The following PRAG1 variants were observed in gnomAD, a reference collection of about 807,000 sequenced individuals.
The protein encoded by PRAG1 is inactive tyrosine-protein kinase PRAG1.
PRAG1 carries 110 observed loss-of-function variants against 95.6 expected under a neutral mutation model. That is an observed-to-expected ratio of 1.15 (90% CI 0.99 to 1.35). PRAG1 has a LOEUF of 1.35. Among genes scored for constraint, PRAG1 ranks in the 40% most tolerant of loss-of-function variants. The pLI, the probability that PRAG1 is intolerant of heterozygous loss-of-function variation, is 0.00. For synonymous variants in PRAG1, 1,052 were observed against 819.4 expected (o/e 1.28, Z -4.85); for missense variants, 2,554 against 1,864.7 (o/e 1.37, Z -6.81).
chr8:8,373,345 C>G (rs1364230814), intron 3 of PRAG1, among the ~76,000 whole-genome samples: 1 of 152,060 alleles, frequency 6.6e-6, no homozygotes, highest in Non-Finnish European at 1.5e-5. Context: ...GTCAGTAATG[C>G]TTGAGAAATG....
At chr8:8,374,798 C>T (rs1173970117) in intron 3 of PRAG1, 1 of 588,346 alleles carries the variant, frequency 1.7e-6, no homozygotes. Context: ...AAAAAACCCA[C>T]GTTAGATCAC....
At chr8:8,371,131 CAAAA>C (rs549978543) in intron 3 of PRAG1, among the ~76,000 whole-genome samples, 23,849 of 81,250 alleles carry the variant, frequency 0.29, 2,011 homozygotes, top group Middle Eastern at 0.44. Flanking sequence ...GATTCTGTCT[CAAAA>C]AAAAAAAAAA....
At chr8:8,330,492 T>C (rs1472286767) in intron 4 of PRAG1, among the ~76,000 whole-genome samples, 1 of 152,234 alleles carries the variant, frequency 6.6e-6, no homozygotes, top group Non-Finnish European at 1.5e-5. Flanking sequence ...CCTTCCCATT[T>C]GCTAATGATA....
Position 8,333,344 on chromosome 8 carries a change from C to T in PRAG1, c.2321-4883G>A, listed in dbSNP as rs184941000. Among the ~76,000 whole-genome samples the T allele has an allele frequency of 3.5e-4, 54 of 152,284 alleles. 1 individual carries two copies. The Middle Eastern group carries it at 0.024, about 67-fold the overall frequency. ...AAGTTCCTGGCTATAGAGTACAACA[C>T]GCTCCATGCCTTTAGCGAACGTGCT... On this transcript the variant is annotated intron_variant, in intron 4 of 5. Transcript: ENST00000615670.
chr8:8,346,048 C>T (rs1207260376), intron 3 of PRAG1, among the ~76,000 whole-genome samples: 2 of 152,196 alleles, frequency 1.3e-5, no homozygotes, highest in African/African-American at 4.8e-5. Context: ...AAAAGGCTTA[C>T]TATTGCAATG....
chr8:8,339,106 G>A (rs1215998598), intron 4 of PRAG1, among the ~76,000 whole-genome samples: 2 of 152,136 alleles, frequency 1.3e-5, no homozygotes, highest in African/African-American at 4.8e-5. Flanking sequence ...AAAAGAGAGA[G>A]AGAGAGAGAG....
chr8:8,344,630 C>A (rs1799275276), intron 3 of PRAG1, among the ~76,000 whole-genome samples: 1 of 152,192 alleles, frequency 6.6e-6, no homozygotes, highest in South Asian at 2.1e-4. Context: ...GGAACACCTG[C>A]AGGTCAGTTA....
chr8:8,346,334 C>G (rs917470262), intron 3 of PRAG1, among the ~76,000 whole-genome samples: 3 of 152,244 alleles, frequency 2.0e-5, no homozygotes, highest in African/African-American at 4.8e-5. Context: ...TGTCTTCACT[C>G]ACGTAGTGTG....
intron 3 of PRAG1, among the ~76,000 whole-genome samples, chr8:8,345,238 A>T (rs1799297708): frequency 6.6e-6 from 1 of 151,650 alleles, no homozygotes; most frequent in South Asian, 2.1e-4. Flanking sequence ...GGTCGCTAAA[A>T]CCCAACAGGT....
rs1448637948 is a variant in PRAG1 at position 8,319,184 on chromosome 8, C to T, written c.3191G>A (p.Ser1064Asn). ...AGGGTCCTTGGGCGCGTCGGGGGAGCTGAGCATGCTGGACGGCACCGAGGC... is the reference window on the plus strand; with the variant it reads ...AGGGTCCTTGGGCGCGTCGGGGGAGTTGAGCATGCTGGACGGCACCGAGGC... Reference protein sequence around the residue: ...FVASVPSSMLSSPDAPKDPVP... With the variant: ...FVASVPSSMLNSPDAPKDPVP... The change falls in exon 6 of 6, where the codon AGC becomes AAC. Residue 1064 changes from serine to asparagine, a missense_variant. Coordinates refer to ENST00000615670, the MANE Select transcript of PRAG1 (RefSeq NM_001080826.3). 6.2e-7 allele frequency: 1 copy of T among 1,601,648 alleles called. No homozygotes were observed. Among genetic ancestry groups the T allele is most frequent in the South Asian group, 1.1e-5 (1 of 89,898 alleles).
intron 4 of PRAG1, among the ~76,000 whole-genome samples, chr8:8,336,148 T>A (rs1486441201): frequency 6.6e-6 from 1 of 152,206 alleles, no homozygotes; most frequent in Non-Finnish European, 1.5e-5. Flanking sequence ...CTGGTGCCAA[T>A]GGTTTCAGTT....
Position 8,376,476 on chromosome 8 carries a change from C to A in PRAG1, c.1933G>T (p.Val645Leu), listed in dbSNP as rs757106487. 15 of 1,613,712 alleles carry A rather than the reference C, an allele frequency of 9.3e-6. No homozygotes were observed. In the East Asian group the frequency reaches 3.3e-4, roughly 36 times the overall value. The change falls in exon 3 of 6, where the codon GTG (valine) becomes TTG (leucine). Residue 645 changes from valine (V) to leucine (L), a missense_variant. Val to Leu is a conservative substitution (Grantham distance 32). Coordinates refer to ENST00000615670, the MANE Select transcript of PRAG1 (RefSeq NM_001080826.3). ...RQCRIEEEEE[V>L]EQELLSHSWG... ...CTGTGACTCAGCAATTCCTGCTCCA[C>A]CTCCTCTTCTTCCTCTATCCGGCAC...
At position 8,381,416 on chromosome 8, in the gene PRAG1, A is replaced by G. The variant is rs535910746; in HGVS notation, c.330+2T>C. The G allele has an allele frequency of 2.1e-5, 33 of 1,602,174 alleles. No homozygotes were observed. The East Asian group carries it at 6.7e-4, about 33-fold the overall frequency. ...AATACCACGAGTGTTAGTCAGCCTC[A>G]CCTGCGAGACTTCGGCACTCAGGTT... On this transcript the variant is annotated splice_donor_variant, in intron 2 of 5. Transcript: ENST00000615670. LOFTEE classifies it high-confidence loss of function.
In PRAG1 at chr8:8,327,932, G is replaced by A; in HGVS notation, c.2850C>T (p.Gly950=). The change falls in exon 5 of 6, where the codon GGC becomes GGT. Residue 950 remains glycine, a synonymous_variant. Transcript: ENST00000615670. The part of the protein sequence containing the change: ...GLLSNISSKE[G]TYAKLGGLYT... Reference sequence around the variant, plus strand: ...AGAGTCCCCCCAGCTTGGCATAGGTGCCCTCCTTGCTGCTGATGTTGCTCA... The same window carrying A: ...AGAGTCCCCCCAGCTTGGCATAGGTACCCTCCTTGCTGCTGATGTTGCTCA... 1.2e-6 allele frequency: 2 copies of A among 1,613,368 alleles called. No homozygotes were observed.
At chr8:8,340,254 C>G (rs1343770596) in intron 3 of PRAG1, among the ~76,000 whole-genome samples, 1 of 152,234 alleles carries the variant, frequency 6.6e-6, no homozygotes, top group East Asian at 1.9e-4. Context: ...TTTTGCTTTT[C>G]TGTGAAATCT....
chr8:8,360,177 A>T (rs947337613), intron 3 of PRAG1, among the ~76,000 whole-genome samples: 1 of 152,170 alleles, frequency 6.6e-6, no homozygotes, highest in Non-Finnish European at 1.5e-5. Context: ...TCTTCTTCAG[A>T]AGTAGTCACA....
In PRAG1 at chr8:8,328,112, G is replaced by A. The variant is rs760392743; in HGVS notation, c.2670C>T (p.Gly890=). ...DPLEKAFKGS[G]HWLPAAGLAG... ...CCAGCCCTGCTGCCGGAAGCCAGTG[G>A]CCACTGCCTTTGAAAGCTTTCTCCA... Residue 890 remains glycine, a synonymous_variant, in exon 5 of 6, where the codon GGC becomes GGT. Transcript: ENST00000615670. The A allele has an allele frequency of 1.2e-6, 2 of 1,613,492 alleles. No homozygotes were observed. Among genetic ancestry groups the A allele is most frequent in the Middle Eastern group, 1.7e-4 (1 of 6,060 alleles).
intron 2 of PRAG1, 43 bp from the exon 3 acceptor site, chr8:8,378,121 T>C (rs1196156444): frequency 6.7e-7 from 1 of 1,502,234 alleles, no homozygotes. Flanking sequence ...TTAGAACTTG[T>C]CATAGAAAAA....
chr8:8,361,701 G>A (rs1033223012), intron 3 of PRAG1, among the ~76,000 whole-genome samples: 7 of 152,158 alleles, frequency 4.6e-5, no homozygotes, highest in African/African-American at 9.7e-5. Context: ...TCAATTACAG[G>A]CTTGTCATTA....
Sources: gnomAD v4.1 joint callset for allele counts (sites outside exome capture counted in the v4.1 genomes callset) on GRCh38, gnomAD v4.1.1 for gene constraint, MANE v1.5 for transcripts, NCBI Gene and HGNC (gene_info 2026-07-23, HGNC 2026-07-21) for gene names.